DLEC1: variants seen among roughly 807,000 people sequenced by gnomAD.
DLEC1 encodes the protein deleted in lung and esophageal cancer protein 1.
A neutral mutation model predicts 198.1 loss-of-function variants in DLEC1; 146 were observed. The ratio of observed to expected loss-of-function variants is 0.74; its 90% CI spans 0.64 to 0.85. The LOEUF is 0.85. Ranked by LOEUF, DLEC1 falls within the 40% of genes least tolerant of loss-of-function variation. DLEC1 has a pLI of 0.00. For synonymous variants in DLEC1, 897 were observed against 866.8 expected (o/e 1.03, Z -0.61); for missense variants, 2,233 against 2,220.0 (o/e 1.01, Z -0.12).
rs2125723561 is a variant in DLEC1 at position 38,110,224 on chromosome 3, C to T, written c.3386C>T (p.Ser1129Phe). 6.2e-7 allele frequency: 1 copy of T among 1,614,200 alleles called. No homozygotes were observed. The highest frequency in any genetic ancestry group is 1.1e-5 in the South Asian group (1 of 91,084). The change falls in exon 23 of 37, where the codon TCC (serine) becomes TTC (phenylalanine). Residue 1129 changes from serine to phenylalanine, a missense_variant. Transcript: ENST00000308059. ...CGCTCCCCAATACGGACCCGTTTCT[C>T]CCTCAAGTTTGAGTATTTCGGGAGC... ...TNRSPIRTRF[S>F]LKFEYFGSPQ...
intron 3 of DLEC1, 52 bp from the exon 4 acceptor site, chr3:38,062,117 C>T (rs1412572829): frequency 6.3e-7 from 1 of 1,593,988 alleles, no homozygotes; most frequent in Admixed American, 1.7e-5. Flanking sequence ...CTTAGGAATG[C>T]CCACCTCCTC....
Position 38,045,615 on chromosome 3 carries a change from C to T in DLEC1, c.484C>T (p.Arg162Trp), listed in dbSNP as rs377465375. Residue 162 changes from arginine to tryptophan, a missense_variant, in exon 2 of 37, where the codon CGG becomes TGG. Arg to Trp is a moderately radical substitution (Grantham distance 101, BLOSUM62 -3). Coordinates refer to ENST00000308059, the MANE Select transcript of DLEC1 (RefSeq NM_007335.4). ...LERHITQAQA[R>W]AIAENERVMS... is the part of the protein sequence containing the mutation. ...GAGACATATCACTCAGGCCCAAGCA[C>T]GGGCTATTGCGGAAAATGAGCGGGT... The T allele has an allele frequency of 9.6e-5, 155 of 1,613,978 alleles. No individual in the cohort carries two copies. Among genetic ancestry groups the T allele is most frequent in the African/African-American group, 2.5e-4 (19 of 74,882 alleles).
intron 11 of DLEC1, 54 bp downstream of exon 11, chr3:38,092,934 G>A: frequency 6.4e-7 from 1 of 1,567,166 alleles, no homozygotes; most frequent in Non-Finnish European, 8.8e-7. Context: ...CCCAGCTCCA[G>A]GGGCCACTGA....
intron 19 of DLEC1, among the ~76,000 whole-genome samples, chr3:38,102,455 A>C (rs1699355840): frequency 6.6e-6 from 1 of 152,200 alleles, no homozygotes; most frequent in Admixed American, 6.5e-5. Flanking sequence ...TTATCAATGC[A>C]ACAGCCTCTC....
At chr3:38,119,028 T>C (rs947825276) in intron 33 of DLEC1, among the ~76,000 whole-genome samples, 1 of 152,156 alleles carries the variant, frequency 6.6e-6, no homozygotes, top group African/African-American at 2.4e-5. Context: ...ACGAGCTAAA[T>C]GGATGGGAAG....
intron 12 of DLEC1, among the ~76,000 whole-genome samples, chr3:38,094,315 A>G (rs2125692549): frequency 6.6e-6 from 1 of 152,296 alleles, no homozygotes; most frequent in Middle Eastern, 3.4e-3. Flanking sequence ...TGGGGACCCC[A>G]GACATTACAC....
chr3:38,096,651 G>A lies in DLEC1; in HGVS notation c.2254G>A (p.Glu752Lys), dbSNP rs764887158. ...VLEIEVKGSV[E>K]PFQVLLEPYA... Reference sequence around the variant, plus strand: ...GGAAATCGAGGTGAAAGGCTCAGTAGAACCTTTCCAGGTTCTCTTAGAGCC... The same window carrying A: ...GGAAATCGAGGTGAAAGGCTCAGTAAAACCTTTCCAGGTTCTCTTAGAGCC... Residue 752 changes from glutamate (E) to lysine (K), a missense_variant, in exon 15 of 37, where the codon GAA becomes AAA. Glu to Lys is a moderately conservative substitution (Grantham distance 56). Coordinates refer to ENST00000308059, the MANE Select transcript of DLEC1 (RefSeq NM_007335.4). The A allele has an allele frequency of 5.6e-6, 9 of 1,613,204 alleles. No individual in the cohort carries two copies. The highest frequency in any genetic ancestry group is 7.6e-6 in the Non-Finnish European group (9 of 1,180,040).
chr3:38,114,709 G>A lies in DLEC1; in HGVS notation c.3785+249G>A, dbSNP rs1026755596. Among the ~76,000 whole-genome samples, 8 of 152,298 alleles carry A rather than the reference G, an allele frequency of 5.3e-5. No individual in the cohort carries two copies. In the South Asian group the frequency reaches 8.3e-4, roughly 16 times the overall value. ...GAGTAGTCAGTGTGGTCCGAGGTCA[G>A]CACCAGCCCTGGGGCCCCTGGCACA... On this transcript the variant is annotated intron_variant, in intron 26 of 36. Coordinates refer to ENST00000308059, the MANE Select transcript of DLEC1 (RefSeq NM_007335.4).
chr3:38,073,065 G>A (rs1460610370), intron 6 of DLEC1, among the ~76,000 whole-genome samples: 9 of 152,228 alleles, frequency 5.9e-5, no homozygotes, highest in Admixed American at 3.9e-4. Flanking sequence ...AAGCTGCTGG[G>A]ACTGATGGGT....
intron 19 of DLEC1, chr3:38,103,844 T>C (rs6778005): frequency 0.21 from 31,845 of 152,142 alleles, 4,540 homozygotes; most frequent in African/African-American, 0.4. Context: ...GCAGTCAAAA[T>C]GCACACAGCA....
In DLEC1 at chr3:38,094,955, A is replaced by G. The variant is rs367999851; in HGVS notation, c.1996A>G (p.Met666Val). The change falls in exon 13 of 37, where the codon ATG becomes GTG. Residue 666 changes from methionine (M) to valine (V), a missense_variant. Coordinates refer to ENST00000308059, the MANE Select transcript of DLEC1 (RefSeq NM_007335.4). ...QPLMPGETFSMDSIKCYPDKE... is the reference protein window; with the variant it reads ...QPLMPGETFSVDSIKCYPDKE... ...CCTCATGCCTGGAGAAACCTTCAGCATGGACAGCATCAAGTGCTACCCCGA... is the reference window on the plus strand; with the variant it reads ...CCTCATGCCTGGAGAAACCTTCAGCGTGGACAGCATCAAGTGCTACCCCGA... 2 of 1,614,116 alleles carry G rather than the reference A, an allele frequency of 1.2e-6. No homozygotes were observed. The highest frequency in any genetic ancestry group is 2.7e-5 in the African/African-American group (2 of 74,944).
chr3:38,079,031 C>T lies in DLEC1; in HGVS notation c.1174-5127C>T, dbSNP rs1024487865. ...TGTGGGATGGGATATTGGCATTGAG[C>T]GGGGTAAGGGTGATTAGGTTTTAAT... On this transcript the variant is annotated intron_variant, in intron 6 of 36. Coordinates refer to ENST00000308059, the MANE Select transcript of DLEC1 (RefSeq NM_007335.4). Among the ~76,000 whole-genome samples, 65 of 152,026 alleles carry T rather than the reference C, an allele frequency of 4.3e-4. 1 individual carries two copies. The highest frequency in any genetic ancestry group is 1.5e-3 in the South Asian group (7 of 4,814).
At chr3:38,108,536 C>T in intron 21 of DLEC1, 21 bp downstream of exon 21, 1 of 1,601,166 alleles carries the variant, frequency 6.2e-7, no homozygotes, top group Non-Finnish European at 8.6e-7. Flanking sequence ...CAATGTAGGG[C>T]CTGAGTGACC....
intron 6 of DLEC1, among the ~76,000 whole-genome samples, chr3:38,071,555 G>A (rs974660761): frequency 2.6e-5 from 4 of 152,226 alleles, no homozygotes; most frequent in Admixed American, 2.0e-4. Context: ...TTTCAGCGGG[G>A]AAGTAGGTGG....
In DLEC1 at chr3:38,116,579, A is replaced by AT; in HGVS notation, c.3984dup (p.Thr1329TyrfsTer3). ...GCCGGGAATGAGCTTGTGTGCCCTG[A>AT]TACCCCTGAGGGTGGCTGCCTCCTC... On this transcript the variant is annotated frameshift_variant, in exon 28 of 37. Coordinates refer to ENST00000308059, the MANE Select transcript of DLEC1 (RefSeq NM_007335.4). LOFTEE classifies it high-confidence loss of function. 1.2e-6 allele frequency: 2 copies of AT among 1,614,076 alleles called. No homozygotes were observed. Among genetic ancestry groups the AT allele is most frequent in the Non-Finnish European group, 1.7e-6 (2 of 1,179,992 alleles).
chr3:38,064,270 T>G (rs1269438377), intron 6 of DLEC1, among the ~76,000 whole-genome samples: 1 of 152,184 alleles, frequency 6.6e-6, no homozygotes, highest in Non-Finnish European at 1.5e-5. Context: ...TGCACCGCCC[T>G]TAATTCATTT....
chr3:38,070,438 G>C (rs1697252514), intron 6 of DLEC1, among the ~76,000 whole-genome samples: 1 of 152,242 alleles, frequency 6.6e-6, no homozygotes, highest in South Asian at 2.1e-4. Context: ...GCGAGGTTGA[G>C]GAGGTACAGA....
intron 1 of DLEC1, among the ~76,000 whole-genome samples, chr3:38,041,847 C>CAAAAAAAAAAAAAAAAAAA (rs751455053): frequency 1.4e-5 from 1 of 71,682 alleles, no homozygotes. Flanking sequence ...GACTCCGTTT[C>CAAAAAAAAAAAAAAAAAAA]AAAAAAAAAA....
chr3:38,114,860 C>G, intron 26 of DLEC1, 123 bp from the exon 27 acceptor site: 1 of 834,400 alleles, frequency 1.2e-6, no homozygotes, highest in South Asian at 1.7e-5. Flanking sequence ...CTCATTAATT[C>G]TCGAGTGAGG....
Sources: gnomAD v4.1 joint callset for allele counts (sites outside exome capture counted in the v4.1 genomes callset) on GRCh38, gnomAD v4.1.1 for gene constraint, MANE v1.5 for transcripts, NCBI Gene and HGNC (gene_info 2026-07-23, HGNC 2026-07-21) for gene names.